FBLN5: variants seen among roughly 807,000 people sequenced by gnomAD.
FBLN5 encodes fibulin 5, also known as fibulin-5.
Under a neutral mutation model 61.6 loss-of-function variants are expected in FBLN5, and 24 were observed. The observed-to-expected ratio is 0.39, with a 90% CI of 0.28 to 0.55. The LOEUF is 0.55. Among genes scored for constraint, FBLN5 ranks in the 20% least tolerant of loss-of-function variants. The pLI is 0.65. For missense variants in FBLN5, 470 were observed against 594.1 expected (o/e 0.79, Z 2.17); for synonymous variants, 213 against 219.8 (o/e 0.97, Z 0.27).
intron 10 of FBLN5, among the ~76,000 whole-genome samples, chr14:91,876,206 C>A (rs573386338): frequency 1.3e-5 from 2 of 152,344 alleles, no homozygotes; most frequent in African/African-American, 4.8e-5. Context: ...CCCGCAGCTT[C>A]AGACAGCATG....
chr14:91,883,424 C>A (rs1322161742), intron 7 of FBLN5, among the ~76,000 whole-genome samples: 1 of 152,130 alleles, frequency 6.6e-6, no homozygotes, highest in Non-Finnish European at 1.5e-5. Context: ...CTCTGACCTG[C>A]CTAAGGGGCT....
intron 4 of FBLN5, among the ~76,000 whole-genome samples, chr14:91,920,784 G>C (rs2055720164): frequency 6.6e-6 from 1 of 152,182 alleles, no homozygotes; most frequent in South Asian, 2.1e-4. Context: ...CCCAATGGTA[G>C]CACGAAGTAT....
rs1367591931 is a variant in FBLN5, at chr14:91,943,582, G to A, written c.18-621C>T. Among the ~76,000 whole-genome samples the A allele has an allele frequency of 6.6e-6, 1 of 151,874 alleles. No homozygotes were observed. Among genetic ancestry groups the A allele is most frequent in the South Asian group, 2.1e-4 (1 of 4,810 alleles). On this transcript the variant is annotated intron_variant, in intron 1 of 10. Coordinates refer to ENST00000342058, the MANE Select transcript of FBLN5 (RefSeq NM_006329.4). The surrounding 1 kb of genome is among the most constrained non-coding windows in gnomAD (Gnocchi z 4.0). ...GTTCCTTGGTCTTTATTCTTTATGC[G>A]AGATGTGCTTGACTTTTGAACATCT...
intron 4 of FBLN5, among the ~76,000 whole-genome samples, chr14:91,902,591 A>T (rs1890505858): frequency 6.6e-6 from 1 of 152,144 alleles, no homozygotes. Flanking sequence ...ATACTTCTCA[A>T]ACTTTAATAT....
chr14:91,945,092 G>C (rs1448489561), intron 1 of FBLN5, among the ~76,000 whole-genome samples: 1 of 152,122 alleles, frequency 6.6e-6, no homozygotes, highest in African/African-American at 2.4e-5. Context: ...TTAGCCGACT[G>C]TGGTGGCAGG....
At chr14:91,889,503 G>A (rs1403334929) in intron 6 of FBLN5, among the ~76,000 whole-genome samples, 1 of 152,198 alleles carries the variant, frequency 6.6e-6, no homozygotes, top group Non-Finnish European at 1.5e-5. Flanking sequence ...TCTCAGATCT[G>A]CTACCACGTG....
chr14:91,880,050 C>T lies in FBLN5; in HGVS notation c.989+1242G>A, dbSNP rs185044209. 6.6e-5 allele frequency among the ~76,000 whole-genome samples: 10 copies of T among 152,358 alleles called. No individual in the cohort carries two copies. The East Asian group carries it at 1.7e-3, about 26-fold the overall frequency. On this transcript the variant is annotated intron_variant, in intron 9 of 10. Coordinates refer to ENST00000342058, the MANE Select transcript of FBLN5 (RefSeq NM_006329.4). The stretch of plus-strand genomic sequence containing the variant: ...ACTGCATTCACCTTTTGGAAGTTGT[C>T]TTCACTTTAATTCTCTCCTCAACTC...
intron 4 of FBLN5, among the ~76,000 whole-genome samples, chr14:91,924,011 A>G (rs567603148): frequency 6.6e-6 from 1 of 152,278 alleles, no homozygotes; most frequent in Admixed American, 6.5e-5. Flanking sequence ...CTGCCAAACC[A>G]CCCGACTCCC....
chr14:91,909,150 C>T (rs370165466), intron 4 of FBLN5, among the ~76,000 whole-genome samples: 10 of 152,210 alleles, frequency 6.6e-5, no homozygotes, highest in African/African-American at 2.4e-4. Flanking sequence ...ATCTCCTGAC[C>T]TCGTGATCCG....
In FBLN5 at chr14:91,947,538, G is replaced by A. The variant is rs927315743; in HGVS notation, c.-309C>T. ...TAAGTATGTTAAACAATGCAAATGG[G>A]GCCTCAGTCTGGACACAGCTGGTTC... On this transcript the variant is annotated 5_prime_UTR_variant, in exon 1 of 11. Coordinates refer to ENST00000342058, the MANE Select transcript of FBLN5 (RefSeq NM_006329.4). The surrounding 1 kb of genome is among the most constrained non-coding windows in gnomAD (Gnocchi z 4.3). 7.1e-5 allele frequency: 36 copies of A among 508,926 alleles called. No individual in the cohort carries two copies. Among genetic ancestry groups the A allele is most frequent in the South Asian group, 3.0e-4 (14 of 46,716 alleles). 31.5% of individuals were successfully genotyped at this position (508,926 alleles called of 1,614,324 possible).
At chr14:91,904,071 A>G (rs2430365) in intron 4 of FBLN5, among the ~76,000 whole-genome samples, 144,337 of 152,270 alleles carry the variant, frequency 0.95, 68,500 homozygotes, top group Admixed American at 0.97. Flanking sequence ...GGCAAAGCAC[A>G]TCTAGTTTTA....
intron 4 of FBLN5, among the ~76,000 whole-genome samples, chr14:91,895,447 G>A (rs780930968): frequency 8.5e-5 from 13 of 152,234 alleles, no homozygotes; most frequent in African/African-American, 2.2e-4. Flanking sequence ...GGTCTGCTGC[G>A]TACCTACTGT....
Position 91,869,803 on chromosome 14 carries a change from C to G in FBLN5, c.*421G>C, listed in dbSNP as rs1888833719. ...AGCTACTCCCAGGGTTCCCCGCCAGCTCCCGGGTCTTTGCAAAGCAGTAAC... is the reference window on the plus strand; with the variant it reads ...AGCTACTCCCAGGGTTCCCCGCCAGGTCCCGGGTCTTTGCAAAGCAGTAAC... On this transcript the variant is annotated 3_prime_UTR_variant, in exon 11 of 11. Coordinates refer to ENST00000342058, the MANE Select transcript of FBLN5 (RefSeq NM_006329.4). The G allele has an allele frequency of 1.2e-5, 3 of 253,610 alleles. No individual in the cohort carries two copies. Among genetic ancestry groups the G allele is most frequent in the Non-Finnish European group, 2.3e-5 (3 of 128,024 alleles). The allele number at this position is 253,610 out of a possible 1,614,324, so 15.7% of individuals were successfully genotyped here.
At chr14:91,893,985 T>C (rs1447581137) in intron 5 of FBLN5, among the ~76,000 whole-genome samples, 1 of 152,220 alleles carries the variant, frequency 6.6e-6, no homozygotes. Flanking sequence ...TATTTCTAAC[T>C]AAAGCAAAAT....
intron 4 of FBLN5, among the ~76,000 whole-genome samples, chr14:91,919,747 T>C (rs1191014124): frequency 1.3e-5 from 2 of 152,164 alleles, no homozygotes; most frequent in African/African-American, 4.8e-5. Context: ...ATAAGCCAAT[T>C]AGAAAGACAA....
rs116529698 is a variant in FBLN5, at chr14:91,904,711, C to T, written c.380-9639G>A. ...CCCCTTATCAGGGCACCAGTCCCAA[C>T]GTGGGGGCTCCACCCCTGTGACCTC... On this transcript the variant is annotated intron_variant, in intron 4 of 10. Transcript: ENST00000342058. Among the ~76,000 whole-genome samples, 1,042 of 152,366 alleles carry T rather than the reference C, an allele frequency of 6.8e-3. 12 individuals carry two copies. Among genetic ancestry groups the T allele is most frequent in the African/African-American group, 0.023 (947 of 41,590 alleles).
At chr14:91,874,983 C>T (rs945214937) in intron 10 of FBLN5, among the ~76,000 whole-genome samples, 1 of 152,036 alleles carries the variant, frequency 6.6e-6, no homozygotes, top group African/African-American at 2.4e-5. Context: ...CATGCCACCA[C>T]ACCTGGCTAA....
intron 10 of FBLN5, 62 bp from the exon 11 acceptor site, chr14:91,870,447 C>A (rs967284914): frequency 9.0e-6 from 14 of 1,550,880 alleles, no homozygotes; most frequent in Non-Finnish European, 1.2e-5. Context: ...TGCAGCCCCA[C>A]CTGGGCGCTC....
At chr14:91,941,333 T>G (rs576291589) in intron 2 of FBLN5, among the ~76,000 whole-genome samples, 2 of 152,282 alleles carry the variant, frequency 1.3e-5, no homozygotes, top group Admixed American at 6.5e-5. Flanking sequence ...CAGAAAGAGA[T>G]AGATCTCAAC....
Sources: gnomAD v4.1 joint callset for allele counts (sites outside exome capture counted in the v4.1 genomes callset) on GRCh38, gnomAD v4.1.1 for gene constraint, Gnocchi (gnomAD v3.1) non-coding constraint, MANE v1.5 for transcripts, NCBI Gene and HGNC (gene_info 2026-07-23, HGNC 2026-07-21) for gene names.